The following LRBA variants were observed in gnomAD, a reference collection of about 807,000 sequenced individuals.
LRBA encodes the protein LPS responsive beige-like anchor protein.
A neutral mutation model predicts 330.0 loss-of-function variants in LRBA; 176 were observed. That is an observed-to-expected ratio of 0.53 (90% CI 0.47 to 0.60). The LOEUF (loss-of-function observed/expected upper bound fraction) is 0.60. LRBA is among the 20% of genes least tolerant of loss of function. The pLI is 0.00. For synonymous variants in LRBA, 1,230 were observed against 1,193.0 expected (o/e 1.03, Z -0.64); for missense variants, 3,259 against 3,444.8 (o/e 0.95, Z 1.35).
chr4:150,321,040 G>A lies in LRBA; in HGVS notation c.7630+151C>T. The A allele has an allele frequency of 1.5e-6, 1 of 667,014 alleles. No homozygotes were observed. The allele number at this position is 667,014 out of a possible 1,614,324, so 41.3% of individuals were successfully genotyped here. A position where few individuals can be genotyped will look rare whatever the true frequency, so the allele number is the denominator to read the frequency against. On this transcript the variant is annotated intron_variant, in intron 50 of 56. Coordinates refer to ENST00000651943, the MANE Select transcript of LRBA (RefSeq NM_001364905.1). This position sits in a 1 kb window ranked among gnomAD's most constrained non-coding sequence, Gnocchi z 4.5. The stretch of plus-strand genomic sequence containing the variant: ...CATTTGTACTATATGCCTCACGTGG[G>A]CCTTTTTTAAGCCTTTCAAACTATT...
intron 36 of LRBA, among the ~76,000 whole-genome samples, chr4:150,708,587 C>T (rs1435789399): frequency 6.6e-6 from 1 of 151,670 alleles, no homozygotes; most frequent in Non-Finnish European, 1.5e-5. Context: ...TATACTGTTG[C>T]CAGATCCTTA....
chr4:150,913,533 T>C (rs1343143426), intron 9 of LRBA, among the ~76,000 whole-genome samples: 1 of 152,240 alleles, frequency 6.6e-6, no homozygotes, highest in Non-Finnish European at 1.5e-5. Flanking sequence ...TTATGTATAC[T>C]ACTGCTAAAT....
intron 36 of LRBA, among the ~76,000 whole-genome samples, chr4:150,734,990 A>ATG (rs1730999558): frequency 6.6e-6 from 1 of 152,080 alleles, no homozygotes; most frequent in Non-Finnish European, 1.5e-5. Context: ...CAGAGCCAAG[A>ATG]TTTACCTCTG....
chr4:150,506,308 C>A (rs1248679852), intron 40 of LRBA, among the ~76,000 whole-genome samples: 1 of 152,096 alleles, frequency 6.6e-6, no homozygotes, highest in Admixed American at 6.5e-5. Context: ...CCTTGATGAA[C>A]ATTGATGCAA....
At chr4:150,341,568 T>C (rs113476648) in intron 48 of LRBA, among the ~76,000 whole-genome samples, 2 of 152,274 alleles carry the variant, frequency 1.3e-5, no homozygotes, top group African/African-American at 4.8e-5. Context: ...CCGCTTTGAA[T>C]GTCCCTTCCA....
chr4:150,870,907 G>A (rs982824628), intron 19 of LRBA, among the ~76,000 whole-genome samples: 6 of 152,114 alleles, frequency 3.9e-5, no homozygotes, highest in African/African-American at 1.4e-4. Flanking sequence ...TTCTAAAAAT[G>A]CAGCCACATC....
intron 36 of LRBA, among the ~76,000 whole-genome samples, chr4:150,717,044 T>C (rs1024589740): frequency 7.2e-5 from 11 of 152,284 alleles, no homozygotes; most frequent in Admixed American, 3.9e-4. Flanking sequence ...TTAGGCCACA[T>C]AGCAAAGAGA....
chr4:150,344,264 T>C (rs1030403521), intron 48 of LRBA, among the ~76,000 whole-genome samples: 9 of 152,246 alleles, frequency 5.9e-5, no homozygotes, highest in East Asian at 1.9e-4. Flanking sequence ...TCTGTGAATA[T>C]ACTAAAAACT....
At chr4:150,751,356 T>C (rs1478013310) in intron 35 of LRBA, among the ~76,000 whole-genome samples, 1 of 152,108 alleles carries the variant, frequency 6.6e-6, no homozygotes, top group Admixed American at 6.6e-5. Context: ...TTTTTAAATA[T>C]TCACACAATG....
At chr4:150,362,455 C>T (rs1738856073) in intron 47 of LRBA, among the ~76,000 whole-genome samples, 1 of 152,166 alleles carries the variant, frequency 6.6e-6, no homozygotes, top group Non-Finnish European at 1.5e-5. Context: ...AAAACCTAGC[C>T]AAGTCACTGC....
chr4:150,835,872 C>G (rs919672503), intron 28 of LRBA, among the ~76,000 whole-genome samples: 1 of 152,142 alleles, frequency 6.6e-6, no homozygotes, highest in African/African-American at 2.4e-5. Context: ...GCATCGCTTT[C>G]TTGTGCCAGT....
intron 2 of LRBA, among the ~76,000 whole-genome samples, chr4:150,944,478 G>A (rs1339051798): frequency 6.6e-6 from 1 of 151,890 alleles, no homozygotes; most frequent in Non-Finnish European, 1.5e-5. Context: ...CATAATACTT[G>A]TATTTAATTA....
chr4:150,290,129 A>G (rs1728067027), intron 53 of LRBA, among the ~76,000 whole-genome samples: 4 of 152,198 alleles, frequency 2.6e-5, no homozygotes, highest in Admixed American at 2.6e-4. Flanking sequence ...TTGGAACCAT[A>G]TAACTCATTC....
At chr4:150,609,217 C>T (rs1354042197) in intron 37 of LRBA, among the ~76,000 whole-genome samples, 1 of 152,124 alleles carries the variant, frequency 6.6e-6, no homozygotes, top group Non-Finnish European at 1.5e-5. Context: ...TTCTCAGCAG[C>T]GATTGGTTCA....
intron 40 of LRBA, among the ~76,000 whole-genome samples, chr4:150,534,276 C>CT (rs1478290663): frequency 6.7e-6 from 1 of 149,964 alleles, no homozygotes; most frequent in Admixed American, 6.7e-5. Context: ...ACATTTAAGA[C>CT]TTTTTAGTTG....
intron 37 of LRBA, among the ~76,000 whole-genome samples, chr4:150,661,866 AGCATCGGCCTCCCAAACT>A (rs1436679854): frequency 1.3e-5 from 2 of 152,084 alleles, no homozygotes; most frequent in African/African-American, 4.8e-5. Flanking sequence ...GTGATCCACG[AGCATCGGCCTCCCAAACT>A]GCTGGGATTA....
intron 36 of LRBA, among the ~76,000 whole-genome samples, chr4:150,719,588 A>T (rs1217507947): frequency 6.6e-6 from 1 of 152,150 alleles, no homozygotes; most frequent in Non-Finnish European, 1.5e-5. Context: ...GCCAAGGGGA[A>T]CAAAAACAAA....
intron 2 of LRBA, among the ~76,000 whole-genome samples, chr4:150,989,490 G>A (rs1741830994): frequency 6.6e-6 from 1 of 152,042 alleles, no homozygotes; most frequent in African/African-American, 2.4e-5. Flanking sequence ...ACACACACCT[G>A]TAGTCCCAGC....
intron 47 of LRBA, among the ~76,000 whole-genome samples, chr4:150,365,473 G>A (rs1027058212): frequency 1.3e-5 from 2 of 152,010 alleles, no homozygotes; most frequent in Admixed American, 6.6e-5. Flanking sequence ...ATTTCTAAAC[G>A]TCCATGACAT....
Sources: gnomAD v4.1 joint callset for allele counts (sites outside exome capture counted in the v4.1 genomes callset) on GRCh38, gnomAD v4.1.1 for gene constraint, Gnocchi (gnomAD v3.1) non-coding constraint, MANE v1.5 for transcripts, NCBI Gene and HGNC (gene_info 2026-07-23, HGNC 2026-07-21) for gene names.